PPP1R10: variants seen among roughly 807,000 people sequenced by gnomAD.
PPP1R10 encodes protein phosphatase 1 regulatory subunit 10, also known as serine/threonine-protein phosphatase 1 regulatory subunit 10.
PPP1R10 carries 15 observed loss-of-function variants against 99.0 expected under a neutral mutation model. The ratio of observed to expected loss-of-function variants is 0.15; its 90% CI spans 0.10 to 0.23. The LOEUF is 0.23. Among genes scored for constraint, PPP1R10 ranks in the 10% least tolerant of loss-of-function variants. The probability of loss-of-function intolerance (pLI) is 1.00; values close to 1 mark genes in which losing one functional copy is unlikely to be tolerated. For missense variants in PPP1R10, 947 were observed against 1,259.4 expected (o/e 0.75, Z 3.75); for synonymous variants, 430 against 449.5 (o/e 0.96, Z 0.55).
rs1413634371 is a variant in PPP1R10, at chr6:30,606,987, G to A, written c.383-131C>T. ...AGAAAGTAACCCAAAGTTTTAAGAA[G>A]AACATGAGATATGCTTAAAAACCAA... On this transcript the variant is annotated intron_variant, in intron 6 of 19. Transcript: ENST00000376511. This position sits in a 1 kb window ranked among gnomAD's most constrained non-coding sequence, Gnocchi z 6.3. The A allele has an allele frequency of 1.3e-6, 1 of 798,206 alleles. No homozygotes were observed. Among genetic ancestry groups the A allele is most frequent in the African/African-American group, 1.7e-5 (1 of 57,292 alleles). 49.4% of individuals were successfully genotyped at this position (798,206 alleles called of 1,614,324 possible).
At chr6:30,601,718 C>T (rs980019416) in intron 19 of PPP1R10, 60 bp from the exon 20 acceptor site, 1 of 1,466,608 alleles carries the variant, frequency 6.8e-7, no homozygotes, top group South Asian at 1.2e-5. Flanking sequence ...GCCACCCTCA[C>T]CACCCCTTGT....
In PPP1R10 at chr6:30,602,649, A is replaced by G. The variant is rs1002285542; in HGVS notation, c.2000T>C (p.Leu667Pro). ...TCCCCGGGGAGGGGGTGGAGGACCC[A>G]GAAGACGTGGACCCACTGGCCCACC... is the stretch of plus-strand genomic sequence containing the variant. ...GPGGPVGPRL[L>P]GPPPPPRGGD... The change falls in exon 19 of 20, where the codon CTG becomes CCG. Residue 667 changes from leucine to proline, a missense_variant. Physicochemically the swap from Leu to Pro is moderately conservative, Grantham distance 98. Around this residue, in one of 10 missense-constraint regions of PPP1R10, gnomAD observed 525 missense variants for 578.8 expected, o/e 0.91. Transcript: ENST00000376511. This position sits in a 1 kb window ranked among gnomAD's most constrained non-coding sequence, Gnocchi z 6.7. The G allele has an allele frequency of 6.3e-7, 1 of 1,593,164 alleles. No homozygotes were observed. Among genetic ancestry groups the G allele is most frequent in the Non-Finnish European group, 8.5e-7 (1 of 1,172,444 alleles).
At chr6:30,612,018 A>T (rs779046498) in intron 2 of PPP1R10, among the ~76,000 whole-genome samples, 2 of 152,206 alleles carry the variant, frequency 1.3e-5, no homozygotes, top group Non-Finnish European at 2.9e-5. Flanking sequence ...CATAAAACAG[A>T]TATCACATCT....
At chr6:30,603,955 T>C (rs1015190785) in intron 14 of PPP1R10, 53 bp downstream of exon 14, 101 of 1,538,950 alleles carry the variant, frequency 6.6e-5, no homozygotes, top group Non-Finnish European at 8.6e-5. Flanking sequence ...TCATGTTCCC[T>C]CAGGAGTGTC....
At chr6:30,614,111 A>C (rs747726567) in intron 2 of PPP1R10, among the ~76,000 whole-genome samples, 5 of 152,150 alleles carry the variant, frequency 3.3e-5, no homozygotes, top group Non-Finnish European at 2.9e-5. Context: ...ACTTTGAAAA[A>C]TTTGGGGGAA....
chr6:30,611,733 A>C (rs966130968), intron 2 of PPP1R10, among the ~76,000 whole-genome samples: 1 of 152,172 alleles, frequency 6.6e-6, no homozygotes, highest in Non-Finnish European at 1.5e-5. Flanking sequence ...TGGAGATCAT[A>C]ACCTGTGGGC....
At position 30,609,919 on chromosome 6, in the gene PPP1R10, T is replaced by C. The variant is rs1168473048; in HGVS notation, c.26A>G (p.Lys9Arg). The C allele has an allele frequency of 3.1e-6, 5 of 1,614,156 alleles. No homozygotes were observed. The highest frequency in any genetic ancestry group is 1.7e-5 in the Admixed American group (1 of 60,020). Residue 9 changes from lysine (K) to arginine (R), a missense_variant, in exon 3 of 20, where the codon AAA becomes AGA. Physicochemically the swap from Lys to Arg is conservative, Grantham distance 26 (BLOSUM62 2). This residue lies in a region of PPP1R10 where 82 missense variants were observed against 117.3 expected (regional missense o/e 0.70). Coordinates refer to ENST00000376511, the MANE Select transcript of PPP1R10 (RefSeq NM_002714.4). This position sits in a 1 kb window ranked among gnomAD's most constrained non-coding sequence, Gnocchi z 4.5. Reference protein sequence around the residue: MGSGPIDPKELLKGLDSFL... With the variant: MGSGPIDPRELLKGLDSFL... Reference sequence around the variant, plus strand: ...GCTGTCCAGGCCCTTGAGAAGTTCTTTGGGGTCTATGGGACCCGAACCCAT... The same window carrying C: ...GCTGTCCAGGCCCTTGAGAAGTTCTCTGGGGTCTATGGGACCCGAACCCAT...
In PPP1R10 at chr6:30,609,800, T is replaced by G. The variant is rs1804359825; in HGVS notation, c.107+38A>C. ...AGCCATGTTTTAACACACAATATTC[T>G]CTACTCACAGTGAATACAAAAAGGG... On this transcript the variant is annotated intron_variant, in intron 3 of 19. Coordinates refer to ENST00000376511, the MANE Select transcript of PPP1R10 (RefSeq NM_002714.4). The surrounding 1 kb of genome is among the most constrained non-coding windows in gnomAD (Gnocchi z 4.5). 1.3e-6 allele frequency: 2 copies of G among 1,517,840 alleles called. No homozygotes were observed. Among genetic ancestry groups the G allele is most frequent in the African/African-American group, 1.4e-5 (1 of 72,906 alleles). The allele number at this position is 1,517,840 out of a possible 1,614,324, so 94.0% of individuals were successfully genotyped here.
At chr6:30,601,761 A>C (rs1445283380) in intron 19 of PPP1R10, 103 bp from the exon 20 acceptor site, 8 of 1,352,774 alleles carry the variant, frequency 5.9e-6, no homozygotes, top group Non-Finnish European at 8.1e-6. Context: ...TTTCAGAGAC[A>C]ATCTTGGGGA....
At chr6:30,607,737 AAG>A in intron 6 of PPP1R10, 101 bp downstream of exon 6, 2 of 1,293,850 alleles carry the variant, frequency 1.5e-6, no homozygotes, top group African/African-American at 3.0e-5. Flanking sequence ...GTGAGGTAGA[AAG>A]AGAAAAGTGA....
rs1274887544 is a variant in PPP1R10 at position 30,602,672 on chromosome 6, A to G, written c.1977T>C (p.Gly659=). 1 of 1,603,950 alleles carries G rather than the reference A, an allele frequency of 6.2e-7. No homozygotes were observed. Among genetic ancestry groups the G allele is most frequent in the African/African-American group, 1.3e-5 (1 of 74,742 alleles). The part of the protein sequence containing the change: ...GPMPGPHGGP[G]GPVGPRLLGP... Reference sequence around the variant, plus strand: ...CCAGAAGACGTGGACCCACTGGCCCACCAGGGCCTCCATGGGGACCTGTAA... The same window carrying G: ...CCAGAAGACGTGGACCCACTGGCCCGCCAGGGCCTCCATGGGGACCTGTAA... Residue 659 remains glycine, a synonymous_variant, in exon 19 of 20, where the codon GGT becomes GGC. Coordinates refer to ENST00000376511, the MANE Select transcript of PPP1R10 (RefSeq NM_002714.4). This position sits in a 1 kb window ranked among gnomAD's most constrained non-coding sequence, Gnocchi z 6.7.
chr6:30,605,878 AG>A (rs1218052425), intron 10 of PPP1R10, 44 bp downstream of exon 10: 13 of 1,454,872 alleles, frequency 8.9e-6, no homozygotes, highest in Non-Finnish European at 1.2e-5. Flanking sequence ...AAAAAAAAAA[AG>A]TTTGCTCCTA....
At position 30,601,603 on chromosome 6, in the gene PPP1R10, A is replaced by G; in HGVS notation, c.2769T>C (p.Tyr923=). 6.2e-7 allele frequency: 1 copy of G among 1,614,110 alleles called. No homozygotes were observed. Among genetic ancestry groups the G allele is most frequent in the Non-Finnish European group, 8.5e-7 (1 of 1,180,004 alleles). Residue 923 remains tyrosine, a synonymous_variant, in exon 20 of 20, where the codon TAT becomes TAC. Coordinates refer to ENST00000376511, the MANE Select transcript of PPP1R10 (RefSeq NM_002714.4). ...RHFMMKGNCR[Y]ENNCAFYHPG... ...GGTGGTAGAAGGCACAGTTGTTCTC[A>G]TAGCGGCAGTTGCCCTTCATCATGA...
chr6:30,615,669 T>C (rs1206654321), intron 2 of PPP1R10, among the ~76,000 whole-genome samples: 1 of 152,188 alleles, frequency 6.6e-6, no homozygotes, highest in African/African-American at 2.4e-5. Context: ...TTCCCAACCT[T>C]TCCACCCTCT....
Position 30,605,114 on chromosome 6 carries a change from C to T in PPP1R10, c.854-20G>A. Reference sequence around the variant, plus strand: ...CCATAGCTACAAAAAGAAAGAGCACCAAATGGCATCATCAGACCTCCTTCA... The same window carrying T: ...CCATAGCTACAAAAAGAAAGAGCACTAAATGGCATCATCAGACCTCCTTCA... On this transcript the variant is annotated intron_variant, in intron 10 of 19. Transcript: ENST00000376511. The T allele has an allele frequency of 6.2e-7, 1 of 1,601,690 alleles. No individual in the cohort carries two copies. The highest frequency in any genetic ancestry group is 8.5e-7 in the Non-Finnish European group (1 of 1,170,506).
chr6:30,601,668 C>G lies in PPP1R10; in HGVS notation c.2714-10G>C. On this transcript the variant is annotated splice_polypyrimidine_tract_variant and intron_variant, in intron 19 of 19. Transcript: ENST00000376511. Reference sequence around the variant, plus strand: ...GGGCGGTTTGACATGTCTGTGGGAACGATGGCAAAACAGTTAGACAGGAAA... The same window carrying G: ...GGGCGGTTTGACATGTCTGTGGGAAGGATGGCAAAACAGTTAGACAGGAAA... The G allele has an allele frequency of 6.2e-7, 1 of 1,611,906 alleles. No individual in the cohort carries two copies. Among genetic ancestry groups the G allele is most frequent in the Non-Finnish European group, 8.5e-7 (1 of 1,178,226 alleles).
At chr6:30,608,701 C>T (rs1804228077) in intron 5 of PPP1R10, 78 bp downstream of exon 5, 2 of 1,491,650 alleles carry the variant, frequency 1.3e-6, no homozygotes. Flanking sequence ...AGATTACAGC[C>T]ACATCAGTCA....
In PPP1R10 at chr6:30,602,540, GTATGGTCCAGGACCTGGT is replaced by G. The variant is rs1419892430; in HGVS notation, c.2091_2108del (p.Pro698_Tyr703del). On this transcript the variant is annotated inframe_deletion, in exon 19 of 20. Coordinates refer to ENST00000376511, the MANE Select transcript of PPP1R10 (RefSeq NM_002714.4). This position sits in a 1 kb window ranked among gnomAD's most constrained non-coding sequence, Gnocchi z 6.7. ...CTCCTCGGCCACCTCGGCCTCTATG[GTATGGTCCAGGACCTGGT>G]CCTGGACCCCCCCGCATTGGGCCAC... The G allele has an allele frequency of 1.3e-6, 2 of 1,568,012 alleles. No homozygotes were observed. Among genetic ancestry groups the G allele is most frequent in the Non-Finnish European group, 1.7e-6 (2 of 1,156,488 alleles).
intron 2 of PPP1R10, among the ~76,000 whole-genome samples, chr6:30,613,480 T>C (rs1275837743): frequency 6.6e-6 from 1 of 152,220 alleles, no homozygotes; most frequent in Non-Finnish European, 1.5e-5. Context: ...GTGGACTGAA[T>C]TATGTCTCTC....
Sources: allele counts gnomAD v4.1 joint callset (sites outside exome capture counted in the v4.1 genomes callset), GRCh38; gene constraint gnomAD v4.1.1; regional missense constraint gnomAD v4.1.1; non-coding constraint Gnocchi (gnomAD v3.1); transcripts MANE v1.5; gene names NCBI Gene and HGNC (gene_info 2026-07-23, HGNC 2026-07-21).